SEMA6D: variants seen among roughly 807,000 people sequenced by gnomAD.
SEMA6D encodes semaphorin 6D, also known as semaphorin-6D.
A neutral mutation model predicts 106.6 loss-of-function variants in SEMA6D; 35 were observed. That is an observed-to-expected ratio of 0.33 (90% CI 0.25 to 0.44). SEMA6D has a LOEUF of 0.44. SEMA6D is among the 20% of genes least tolerant of loss of function. The probability of loss-of-function intolerance (pLI) is 1.00; values close to 1 mark genes in which losing one functional copy is unlikely to be tolerated. For missense variants in SEMA6D, 1,185 were observed against 1,345.9 expected (o/e 0.88, Z 1.87); for synonymous variants, 499 against 487.7 (o/e 1.02, Z -0.31).
intron 4 of SEMA6D, among the ~76,000 whole-genome samples, chr15:47,617,305 A>C (rs2077024602): frequency 6.6e-6 from 1 of 152,218 alleles, no homozygotes; most frequent in South Asian, 2.1e-4. Context: ...TTAGTAGTTG[A>C]TAACAGGCCA....
intron 4 of SEMA6D, among the ~76,000 whole-genome samples, chr15:47,634,845 C>G (rs908923258): frequency 6.6e-6 from 1 of 152,098 alleles, no homozygotes; most frequent in Non-Finnish European, 1.5e-5. Flanking sequence ...GTTCAACTTC[C>G]CGCTTGCCCC....
intron 3 of SEMA6D, among the ~76,000 whole-genome samples, chr15:47,527,012 C>G (rs544011407): frequency 2.0e-4 from 31 of 152,276 alleles, no homozygotes; most frequent in African/African-American, 7.0e-4. Flanking sequence ...GCTGGGGTTA[C>G]AGGCGTGAGC....
At chr15:47,549,137 A>G (rs1398302684) in intron 3 of SEMA6D, among the ~76,000 whole-genome samples, 1 of 152,150 alleles carries the variant, frequency 6.6e-6, no homozygotes, top group African/African-American at 2.4e-5. Context: ...GATGGAGCCA[A>G]CCAAGTGCTT....
intron 3 of SEMA6D, among the ~76,000 whole-genome samples, chr15:47,492,793 C>T (rs888151539): frequency 6.6e-6 from 1 of 152,030 alleles, no homozygotes; most frequent in African/African-American, 2.4e-5. Flanking sequence ...GGAAGCAGCA[C>T]AGTATTACAA....
chr15:47,485,016 G>A (rs539496502), intron 3 of SEMA6D, among the ~76,000 whole-genome samples: 18 of 152,226 alleles, frequency 1.2e-4, no homozygotes, highest in African/African-American at 4.1e-4. Flanking sequence ...CAGCACACTG[G>A]ACAAATACAT....
intron 3 of SEMA6D, among the ~76,000 whole-genome samples, chr15:47,548,760 A>C (rs2142352085): frequency 6.6e-6 from 1 of 152,254 alleles, no homozygotes. Context: ...TATATATACA[A>C]ATGCACAAAG....
intron 1 of SEMA6D, among the ~76,000 whole-genome samples, chr15:47,400,389 T>G (rs1399869179): frequency 6.7e-6 from 1 of 149,704 alleles, no homozygotes; most frequent in Non-Finnish European, 1.5e-5. Flanking sequence ...CTCTGGAGGC[T>G]GAGGCAGGAG....
intron 1 of SEMA6D, among the ~76,000 whole-genome samples, chr15:47,748,356 A>G (rs547916920): frequency 2.0e-5 from 3 of 152,244 alleles, no homozygotes; most frequent in Admixed American, 6.5e-5. Context: ...CCATTCATCA[A>G]GTATTTACTG....
At chr15:47,452,512 A>G (rs1473746017) in intron 2 of SEMA6D, among the ~76,000 whole-genome samples, 6 of 152,016 alleles carry the variant, frequency 3.9e-5, no homozygotes, top group African/African-American at 1.4e-4. Context: ...ACCACATGCA[A>G]TTAGTGGTTT....
intron 3 of SEMA6D, among the ~76,000 whole-genome samples, chr15:47,586,886 A>G (rs1489531662): frequency 1.4e-5 from 1 of 72,504 alleles, no homozygotes; most frequent in East Asian, 5.4e-4. Flanking sequence ...GAAATTTGAC[A>G]GGTTTTTTTT....
Position 47,763,009 on chromosome 15 carries a change from C to A in SEMA6D, c.659-7C>A. 2 of 1,602,280 alleles carry A rather than the reference C, an allele frequency of 1.2e-6. No homozygotes were observed. Among genetic ancestry groups the A allele is most frequent in the Non-Finnish European group, 1.7e-6 (2 of 1,174,982 alleles). On this transcript the variant is annotated splice_region_variant and splice_polypyrimidine_tract_variant and intron_variant, in intron 8 of 18. Transcript: ENST00000536845. ...AGGAACCAGTTTGTTTTTAATTTTT[C>A]TTTCAGAGCCACACTTTCTTCATGC...
intron 3 of SEMA6D, among the ~76,000 whole-genome samples, chr15:47,481,350 C>T (rs1330274085): frequency 1.3e-5 from 2 of 152,150 alleles, no homozygotes; most frequent in African/African-American, 4.8e-5. Context: ...TAGCTCTGTA[C>T]TTAAGTGCAT....
At chr15:47,748,646 G>A (rs1417152376) in intron 1 of SEMA6D, among the ~76,000 whole-genome samples, 2 of 152,218 alleles carry the variant, frequency 1.3e-5, no homozygotes, top group Admixed American at 1.3e-4. Flanking sequence ...AGAAAGAATA[G>A]CGTGTGCAGA....
intron 4 of SEMA6D, among the ~76,000 whole-genome samples, chr15:47,690,488 G>A (rs1246285729): frequency 6.6e-6 from 1 of 152,134 alleles, no homozygotes; most frequent in Non-Finnish European, 1.5e-5. Context: ...TTACAAATGA[G>A]GGGTCCAAAA....
intron 4 of SEMA6D, among the ~76,000 whole-genome samples, chr15:47,677,553 G>C (rs1329935035): frequency 1.3e-5 from 2 of 152,232 alleles, no homozygotes; most frequent in Non-Finnish European, 2.9e-5. Flanking sequence ...ATGGGAGACA[G>C]TGTTACAAAT....
At chr15:47,586,885 C>A (rs2076349902) in intron 3 of SEMA6D, among the ~76,000 whole-genome samples, 2 of 96,002 alleles carry the variant, frequency 2.1e-5, no homozygotes, top group Admixed American at 1.6e-4. Flanking sequence ...TGAAATTTGA[C>A]AGGTTTTTTT....
intron 1 of SEMA6D, among the ~76,000 whole-genome samples, chr15:47,197,040 T>C (rs942431142): frequency 6.6e-6 from 1 of 152,188 alleles, no homozygotes; most frequent in East Asian, 1.9e-4. Context: ...AAACCTTTGC[T>C]CATCTATGTG....
intron 3 of SEMA6D, among the ~76,000 whole-genome samples, chr15:47,565,136 A>G (rs1394516035): frequency 6.6e-6 from 1 of 152,184 alleles, no homozygotes; most frequent in Non-Finnish European, 1.5e-5. Context: ...CTGAGCTGCT[A>G]ACAGTTAACC....
chr15:47,381,320 G>A (rs1017192882), intron 1 of SEMA6D, among the ~76,000 whole-genome samples: 1 of 152,218 alleles, frequency 6.6e-6, no homozygotes, highest in African/African-American at 2.4e-5. Flanking sequence ...ACTGGAAACA[G>A]CCAACAGGTG....
Sources: allele counts gnomAD v4.1 joint callset (sites outside exome capture counted in the v4.1 genomes callset), GRCh38; gene constraint gnomAD v4.1.1; transcripts MANE v1.5; gene names NCBI Gene and HGNC (gene_info 2026-07-23, HGNC 2026-07-21).